The following MBP variants were observed in gnomAD, a reference collection of about 807,000 sequenced individuals.
MBP encodes myelin basic protein, also known as Golli-MBP.
A neutral mutation model predicts 35.8 loss-of-function variants in MBP; 16 were observed. That is an observed-to-expected ratio of 0.45 (90% CI 0.30 to 0.68). MBP has a LOEUF of 0.68. MBP is among the 30% of genes least tolerant of loss of function. MBP has a pLI of 0.08. For synonymous variants in MBP, 143 were observed against 159.6 expected, an observed-to-expected ratio of 0.90 and a Z score of 0.78; for missense variants, 380 against 404.7, an observed-to-expected ratio of 0.94 and a Z score of 0.52.
intron 3 of MBP, among the ~76,000 whole-genome samples, chr18:77,047,077 T>C (rs941487589): frequency 3.3e-5 from 5 of 152,166 alleles, no homozygotes; most frequent in Admixed American, 3.3e-4. Flanking sequence ...AAGGAAAGTC[T>C]AAATGAACAA....
chr18:77,062,511 GA>G (rs3056727), intron 3 of MBP, among the ~76,000 whole-genome samples: 66,293 of 131,888 alleles, frequency 0.5, 16,884 homozygotes, highest in African/African-American at 0.74. Context: ...GAAAGCTGTC[GA>G]AAAAAAAAAA....
intron 2 of MBP, among the ~76,000 whole-genome samples, chr18:77,082,047 T>C (rs1399050088): frequency 6.6e-6 from 1 of 150,792 alleles, no homozygotes. Context: ...AGAGACGGGG[T>C]TTCACTGTGT....
At chr18:77,110,994 T>C (rs1439972243) in intron 1 of MBP, among the ~76,000 whole-genome samples, 1 of 152,134 alleles carries the variant, frequency 6.6e-6, no homozygotes, top group African/African-American at 2.4e-5. Context: ...CTTTGGAGTC[T>C]TCGCGGTGTA....
chr18:77,024,226 C>T (rs1433771160), intron 3 of MBP, among the ~76,000 whole-genome samples: 6 of 152,222 alleles, frequency 3.9e-5, no homozygotes, highest in Non-Finnish European at 7.3e-5. Flanking sequence ...CATAAACTTT[C>T]TTAAAACATT....
chr18:77,014,076 C>T, intron 4 of MBP: 1 of 985,474 alleles, frequency 1.0e-6, no homozygotes, highest in Non-Finnish European at 1.2e-6. Flanking sequence ...TCCTTAAAGG[C>T]AACAACAGTC....
chr18:77,003,766 A>T (rs1192315070), intron 4 of MBP: 1 of 152,238 alleles, frequency 6.6e-6, no homozygotes, highest in African/African-American at 2.4e-5. Flanking sequence ...TGTGGCTCAC[A>T]GAGATCCTTG....
chr18:77,009,976 G>A (rs537027943), intron 4 of MBP: 4 of 1,312,558 alleles, frequency 3.0e-6, no homozygotes, highest in East Asian at 5.0e-5. Context: ...GGCGCCGCCG[G>A]CAATGCCCCA....
At chr18:77,120,499 T>TTGAAGGAATGAATGAATGA (rs1245673747) in intron 1 of MBP, among the ~76,000 whole-genome samples, 1 of 152,212 alleles carries the variant, frequency 6.6e-6, no homozygotes, top group African/African-American at 2.4e-5. Flanking sequence ...CTAGGCCTGC[T>TTGAAGGAATGAATGAATGA]TGAAGGAATG....
intron 3 of MBP, among the ~76,000 whole-genome samples, chr18:77,029,272 G>A (rs1972432673): frequency 6.7e-6 from 1 of 149,732 alleles, no homozygotes; most frequent in African/African-American, 2.4e-5. Flanking sequence ...CCAGTCAGGC[G>A]TGGCGGCGCG....
At chr18:77,033,485 T>C (rs2123631933) in intron 3 of MBP, among the ~76,000 whole-genome samples, 1 of 152,202 alleles carries the variant, frequency 6.6e-6, no homozygotes, top group African/African-American at 2.4e-5. Flanking sequence ...TATCAAAATG[T>C]TTCTAAAACT....
chr18:77,004,355 T>C (rs1338516364), intron 4 of MBP: 2 of 152,010 alleles, frequency 1.3e-5, no homozygotes, highest in African/African-American at 4.8e-5. Flanking sequence ...CAGGAGAGTA[T>C]GTTAGATTTT....
intron 2 of MBP, among the ~76,000 whole-genome samples, chr18:77,092,731 C>T (rs1414912767): frequency 6.6e-6 from 1 of 151,972 alleles, no homozygotes; most frequent in Non-Finnish European, 1.5e-5. Context: ...GGGAGCTTTA[C>T]GAGTCCAGCT....
intron 3 of MBP, among the ~76,000 whole-genome samples, chr18:77,041,157 G>C (rs1972974322): frequency 6.6e-6 from 1 of 152,194 alleles, no homozygotes; most frequent in Non-Finnish European, 1.5e-5. Flanking sequence ...CATTTATGCA[G>C]CCAAGAGACA....
At position 76,989,316 on chromosome 18, in the gene MBP, A is replaced by G. The variant is rs1297993214; in HGVS notation, c.682-404T>C. Reference sequence around the variant, plus strand: ...AGGTCTGCAGCTCCTAAGTGCACTTATCGAATACGAGCATAAAATGTCTGC... The same window carrying G: ...AGGTCTGCAGCTCCTAAGTGCACTTGTCGAATACGAGCATAAAATGTCTGC... On this transcript the variant is annotated intron_variant, in intron 5 of 8. Transcript: ENST00000355994. The surrounding 1 kb of genome is among the most constrained non-coding windows in gnomAD (Gnocchi z 4.0). Among the ~76,000 whole-genome samples, 1 of 152,224 alleles carries G rather than the reference A, an allele frequency of 6.6e-6. No homozygotes were observed. The highest frequency in any genetic ancestry group is 1.5e-5 in the Non-Finnish European group (1 of 68,034).
intron 7 of MBP, chr18:76,986,349 G>A: frequency 1.0e-6 from 1 of 985,508 alleles, no homozygotes; most frequent in Non-Finnish European, 1.2e-6. Flanking sequence ...TTTAGGACAG[G>A]GAGGACCTTG....
intron 1 of MBP, among the ~76,000 whole-genome samples, chr18:77,130,517 G>A (rs1977206255): frequency 6.6e-6 from 1 of 151,866 alleles, no homozygotes; most frequent in Non-Finnish European, 1.5e-5. Flanking sequence ...GCAAGCAGTC[G>A]ATAAACACTC....
intron 4 of MBP, among the ~76,000 whole-genome samples, chr18:76,995,464 C>CT (rs1287753618): frequency 6.6e-6 from 1 of 152,084 alleles, no homozygotes; most frequent in Non-Finnish European, 1.5e-5. Flanking sequence ...AACTGAAGAC[C>CT]TGTGGTGCTA....
chr18:77,034,719 A>G (rs1972684593), intron 3 of MBP, among the ~76,000 whole-genome samples: 1 of 152,126 alleles, frequency 6.6e-6, no homozygotes, highest in Admixed American at 6.5e-5. Flanking sequence ...GCCCTCCCTG[A>G]TCGCTCCTTC....
intron 3 of MBP, among the ~76,000 whole-genome samples, chr18:77,052,151 C>T (rs1025481984): frequency 5.3e-5 from 8 of 152,254 alleles, no homozygotes; most frequent in African/African-American, 9.6e-5. Flanking sequence ...CGACCAGGAA[C>T]GGGGGAAGGA....
Sources: gnomAD v4.1 joint callset for allele counts (sites outside exome capture counted in the v4.1 genomes callset) on GRCh38, gnomAD v4.1.1 for gene constraint, Gnocchi (gnomAD v3.1) non-coding constraint, MANE v1.5 for transcripts, NCBI Gene and HGNC (gene_info 2026-07-23, HGNC 2026-07-21) for gene names.